The following STK10 variants were observed in gnomAD, a reference collection of about 807,000 sequenced individuals.
The protein encoded by STK10 is serine/threonine-protein kinase 10.
Under a neutral mutation model 113.8 loss-of-function variants are expected in STK10, and 78 were observed. The ratio of observed to expected loss-of-function variants is 0.69; its 90% CI spans 0.57 to 0.83. The LOEUF (loss-of-function observed/expected upper bound fraction) is 0.83, where lower values mean the gene tolerates loss of function less well. Among genes scored for constraint, STK10 ranks in the 40% least tolerant of loss-of-function variants. The probability of loss-of-function intolerance (pLI) is 0.00; values close to 1 mark genes in which losing one functional copy is unlikely to be tolerated. For synonymous variants in STK10, 465 were observed against 494.7 expected, an observed-to-expected ratio of 0.94 and a Z score of 0.80; for missense variants, 1,109 against 1,280.1, an observed-to-expected ratio of 0.87 and a Z score of 2.04.
intron 7 of STK10, among the ~76,000 whole-genome samples, chr5:172,099,119 C>T (rs1247257033): frequency 6.6e-6 from 1 of 151,892 alleles, no homozygotes; most frequent in Non-Finnish European, 1.5e-5. Context: ...ATCACTATCA[C>T]CATCATTACC....
chr5:172,110,026 T>C (rs943101813), intron 4 of STK10, among the ~76,000 whole-genome samples: 2 of 152,246 alleles, frequency 1.3e-5, no homozygotes, highest in African/African-American at 4.8e-5. Context: ...AGAACTTGGT[T>C]CCAGCCTCTG....
At chr5:172,134,745 CAAAA>C (rs33933488) in intron 2 of STK10, among the ~76,000 whole-genome samples, 3,443 of 132,272 alleles carry the variant, frequency 0.026, 170 homozygotes, top group African/African-American at 0.093. Context: ...CTCATATTTA[CAAAA>C]AAAAAAAAAA....
At chr5:172,156,543 G>A in intron 2 of STK10, 81 bp downstream of exon 2, 1 of 1,497,480 alleles carries the variant, frequency 6.7e-7, no homozygotes, top group East Asian at 2.3e-5. Context: ...CTGAGAAAGA[G>A]CTGAAGACTT....
intron 18 of STK10, among the ~76,000 whole-genome samples, chr5:172,045,947 C>A (rs1767486038): frequency 6.6e-6 from 1 of 151,790 alleles, no homozygotes; most frequent in South Asian, 2.1e-4. Context: ...ACCTTGGCCT[C>A]CCAAAGTGCT....
chr5:172,073,646 T>A (rs1055259793), intron 12 of STK10, among the ~76,000 whole-genome samples: 4 of 151,866 alleles, frequency 2.6e-5, no homozygotes, highest in African/African-American at 4.8e-5. Context: ...ACCAAAAACA[T>A]GAAATAAATA....
chr5:172,107,734 G>A, intron 5 of STK10, 46 bp downstream of exon 5: 1 of 1,597,860 alleles, frequency 6.3e-7, no homozygotes, highest in Non-Finnish European at 8.6e-7. Flanking sequence ...ACCTTGGAGA[G>A]TTTTTACATC....
At chr5:172,163,648 A>G (rs1770511246) in intron 1 of STK10, among the ~76,000 whole-genome samples, 1 of 152,224 alleles carries the variant, frequency 6.6e-6, no homozygotes, top group South Asian at 2.1e-4. Context: ...CCACACTGCC[A>G]GGAAGCAGCT....
intron 3 of STK10, among the ~76,000 whole-genome samples, chr5:172,119,724 C>T (rs1183386548): frequency 2.8e-5 from 4 of 144,932 alleles, no homozygotes; most frequent in African/African-American, 1.1e-4. Flanking sequence ...ATTAGCCGGG[C>T]GTAGTGGCGG....
intron 2 of STK10, among the ~76,000 whole-genome samples, chr5:172,148,547 G>C (rs1478885496): frequency 6.6e-6 from 1 of 152,192 alleles, no homozygotes; most frequent in African/African-American, 2.4e-5. Flanking sequence ...CTGCTTCACA[G>C]CTCCATCTGC....
chr5:172,177,436 G>A (rs569215053), intron 1 of STK10, among the ~76,000 whole-genome samples: 1 of 152,330 alleles, frequency 6.6e-6, no homozygotes, highest in East Asian at 1.9e-4. Context: ...ATCTGGCCTG[G>A]CCCTGGCCCA....
At chr5:172,184,601 G>T (rs1455612123) in intron 1 of STK10, among the ~76,000 whole-genome samples, 2 of 152,014 alleles carry the variant, frequency 1.3e-5, no homozygotes, top group Non-Finnish European at 2.9e-5. Context: ...AGGCGGAGAG[G>T]GCTGTGGTGG....
intron 2 of STK10, among the ~76,000 whole-genome samples, chr5:172,143,813 G>A (rs1462639932): frequency 6.6e-6 from 1 of 152,150 alleles, no homozygotes; most frequent in African/African-American, 2.4e-5. Context: ...ATCAAAGCCC[G>A]GGACCTAGTA....
chr5:172,136,973 CT>C (rs962039382), intron 2 of STK10, among the ~76,000 whole-genome samples: 3 of 152,118 alleles, frequency 2.0e-5, no homozygotes, highest in African/African-American at 7.2e-5. Context: ...TATCCCTCCC[CT>C]AGCCCCCCAC....
In STK10 at chr5:172,093,560, C is replaced by T. The variant is rs758677072; in HGVS notation, c.1406G>A (p.Ser469Asn). Reference protein sequence around the residue: ...TLGGEKLANGSLEPPAQAAPG... With the variant: ...TLGGEKLANGNLEPPAQAAPG... ...AGCTGCCTGGGCAGGTGGCTCCAGG[C>T]TGCCATTGGCCAGCTTCTCCCCACC... The change falls in exon 9 of 19, where the codon AGC becomes AAC. Residue 469 changes from serine to asparagine, a missense_variant. Coordinates refer to ENST00000176763, the MANE Select transcript of STK10 (RefSeq NM_005990.4). This position sits in a 1 kb window ranked among gnomAD's most constrained non-coding sequence, Gnocchi z 4.1. 5 of 1,614,228 alleles carry T rather than the reference C, an allele frequency of 3.1e-6. No homozygotes were observed. The highest frequency in any genetic ancestry group is 3.4e-6 in the Non-Finnish European group (4 of 1,180,032).
chr5:172,177,241 C>T (rs144074695), intron 1 of STK10, among the ~76,000 whole-genome samples: 2 of 151,972 alleles, frequency 1.3e-5, no homozygotes, highest in Non-Finnish European at 2.9e-5. Context: ...GAGGTCACAG[C>T]GAGAAGGCAC....
chr5:172,095,933 A>G (rs1039487612), intron 8 of STK10, among the ~76,000 whole-genome samples: 3 of 152,196 alleles, frequency 2.0e-5, no homozygotes, highest in Non-Finnish European at 2.9e-5. Context: ...ATTAGCTTTA[A>G]TTTCAATCTA....
chr5:172,121,204 T>G lies in STK10; in HGVS notation c.371-3574A>C, dbSNP rs1219661180. Among the ~76,000 whole-genome samples the G allele has an allele frequency of 2.0e-5, 3 of 152,128 alleles. No homozygotes were observed. The East Asian group carries it at 5.8e-4, about 30-fold the overall frequency. On this transcript the variant is annotated intron_variant, in intron 3 of 18. Transcript: ENST00000176763. ...CCACGACGCCCGGCTAATTTTTTTG[T>G]ACTATTAGTAGAGACGGGGTTTCAC...
chr5:172,128,583 G>A (rs997056613), intron 2 of STK10, among the ~76,000 whole-genome samples: 5 of 152,130 alleles, frequency 3.3e-5, no homozygotes, highest in African/African-American at 1.2e-4. Context: ...CACCCGCCCT[G>A]GCCTCCCAAA....
chr5:172,091,162 C>T (rs751455450), intron 9 of STK10, among the ~76,000 whole-genome samples: 27 of 152,074 alleles, frequency 1.8e-4, no homozygotes, highest in Non-Finnish European at 3.1e-4. Flanking sequence ...GCCTGTGTTC[C>T]ATGCTTAGCA....
Sources: gnomAD v4.1 joint callset for allele counts (sites outside exome capture counted in the v4.1 genomes callset) on GRCh38, gnomAD v4.1.1 for gene constraint, Gnocchi (gnomAD v3.1) non-coding constraint, MANE v1.5 for transcripts, NCBI Gene and HGNC (gene_info 2026-07-23, HGNC 2026-07-21) for gene names.